Variants in ZNF841 observed in about 807,000 individuals in gnomAD.
ZNF841 encodes TCONS_00006091.
A neutral mutation model predicts 13.0 loss-of-function variants in ZNF841; 11 were observed. The observed-to-expected ratio is 0.85, with a 90% CI of 0.53 to 1.40. The LOEUF is 1.40. Ranked by LOEUF, ZNF841 falls within the 40% of genes most tolerant of loss-of-function variation. The pLI, the probability that ZNF841 is intolerant of heterozygous loss-of-function variation, is 0.00. For synonymous variants in ZNF841, 369 were observed against 381.6 expected, an observed-to-expected ratio of 0.97 and a Z score of 0.38; for missense variants, 1,068 against 1,139.5, an observed-to-expected ratio of 0.94 and a Z score of 0.90.
chr19:52,088,942 A>AT lies in ZNF841; in HGVS notation c.-84dup, dbSNP rs1369784124. 1 of 152,206 alleles carries AT rather than the reference A, an allele frequency of 6.6e-6. No homozygotes were observed. Among genetic ancestry groups the AT allele is most frequent in the Non-Finnish European group, 1.5e-5 (1 of 68,038 alleles). 9.4% of individuals were successfully genotyped at this position (152,206 alleles called of 1,614,324 possible). ...TTGACTTGCTTAATACGTACCATAG[A>AT]TTGAGGTGTGCGATTCAGTTGCCCG... On this transcript the variant is annotated 5_prime_UTR_variant, in exon 3 of 7. Coordinates refer to ENST00000594440, the MANE Select transcript of ZNF841 (RefSeq NM_001136499.2).
rs559051915 is a variant in ZNF841, at chr19:52,069,446, T to C, written c.272-1836A>G. 9.2e-5 allele frequency among the ~76,000 whole-genome samples: 14 copies of C among 152,200 alleles called. No homozygotes were observed. The South Asian group carries it at 2.7e-3, about 29-fold the overall frequency. ...TGATACAGAGATTGTACTTGGAAAA[T>C]GCATGAACTGAGATAAAAGACAACA... is the stretch of plus-strand genomic sequence containing the variant. On this transcript the variant is annotated intron_variant, in intron 6 of 6. Transcript: ENST00000594440.
chr19:52,069,663 G>A (rs563052434), intron 6 of ZNF841, among the ~76,000 whole-genome samples: 7 of 152,246 alleles, frequency 4.6e-5, no homozygotes, highest in South Asian at 4.1e-4. Context: ...TAGCAGAAAC[G>A]TGAAAAAGCC....
downstream of ZNF841, among the ~76,000 whole-genome samples, chr19:52,061,718 G>A (rs546849401): frequency 2.6e-5 from 4 of 152,106 alleles, no homozygotes; most frequent in East Asian, 5.8e-4. Flanking sequence ...ATCTAATTTT[G>A]TATTTTTAGT....
chr19:52,061,142 G>A (rs2087389676), downstream of ZNF841, among the ~76,000 whole-genome samples: 1 of 152,124 alleles, frequency 6.6e-6, no homozygotes, highest in East Asian at 1.9e-4. Flanking sequence ...GTCACCTAAT[G>A]AGCCCTCCAC....
intron 4 of ZNF841, 44 bp from the exon 5 acceptor site, chr19:52,077,128 T>G: frequency 6.4e-7 from 1 of 1,554,142 alleles, no homozygotes; most frequent in South Asian, 1.2e-5. Context: ...GGGTGAGCTC[T>G]TATCTTTACA....
At position 52,064,521 on chromosome 19, in the gene ZNF841, GCGCTGA is replaced by G. The variant is rs2087476045; in HGVS notation, c.*580_*585del. On this transcript the variant is annotated 3_prime_UTR_variant, in exon 7 of 7. Coordinates refer to ENST00000594440, the MANE Select transcript of ZNF841 (RefSeq NM_001136499.2). The stretch of plus-strand genomic sequence containing the variant: ...TTTTGCAGGCTTTATAGGAAACATG[GCGCTGA>G]CGTCTGTTCACCCTCTCGGGAAACC... 1 of 153,696 alleles carries G rather than the reference GCGCTGA, an allele frequency of 6.5e-6. No homozygotes were observed. The highest frequency in any genetic ancestry group is 2.4e-5 in the African/African-American group (1 of 41,412). 9.5% of individuals were successfully genotyped at this position (153,696 alleles called of 1,614,324 possible). A position where few individuals can be genotyped will look rare whatever the true frequency, so the allele number is the denominator to read the frequency against.
intron 4 of ZNF841, among the ~76,000 whole-genome samples, chr19:52,078,046 C>T (rs2087964032): frequency 6.6e-6 from 1 of 152,078 alleles, no homozygotes; most frequent in Non-Finnish European, 1.5e-5. Flanking sequence ...CATCTTAGCA[C>T]CTTGGGAGGC....
At position 52,088,396 on chromosome 19, in the gene ZNF841, G is replaced by C. The variant is rs143062176; in HGVS notation, c.-78+541C>G. ...TTGAAAAAACTCACAGATGAACCAT[G>C]TACCCTAATTAAGAAAAAGGTATGC... On this transcript the variant is annotated intron_variant, in intron 3 of 6. Transcript: ENST00000594440. Among the ~76,000 whole-genome samples the C allele has an allele frequency of 7.8e-3, 1,183 of 152,182 alleles. 15 individuals carry two copies. Among genetic ancestry groups the C allele is most frequent in the African/African-American group, 0.027 (1,133 of 41,516 alleles).
intron 2 of ZNF841, among the ~76,000 whole-genome samples, chr19:52,092,146 G>A (rs2088518263): frequency 6.6e-6 from 1 of 151,362 alleles, no homozygotes; most frequent in African/African-American, 2.4e-5. Context: ...CATTTTGGGG[G>A]TGGGGTGGGG....
At chr19:52,059,348 T>TAAAAAAAAAAAA in the ZNF841 span, among the ~76,000 whole-genome samples, 3 of 45,996 alleles carry the variant, frequency 6.5e-5, no homozygotes, top group African/African-American at 3.4e-4. Context: ...AGACTCTGTC[T>TAAAAAAAAAAAA]AAAAAAAAAA....
Position 52,066,136 on chromosome 19 carries a change from T to C in ZNF841, c.1746A>G (p.Ser582=), listed in dbSNP as rs2077103345. The change falls in exon 7 of 7, where the codon TCA becomes TCG. Residue 582 remains serine (S), a synonymous_variant. Coordinates refer to ENST00000594440, the MANE Select transcript of ZNF841 (RefSeq NM_001136499.2). ...GCATTCTTTGATGACGTGCTAGGCATGAATAGTAAGTGAAGACCATGCCAC... is the reference window on the plus strand; with the variant it reads ...GCATTCTTTGATGACGTGCTAGGCACGAATAGTAAGTGAAGACCATGCCAC... The part of the protein sequence containing the change: ...NKCGMVFTYY[S]CLARHQRMHT... 2.5e-6 allele frequency: 4 copies of C among 1,614,090 alleles called. No homozygotes were observed. The highest frequency in any genetic ancestry group is 3.3e-5 in the Admixed American group (2 of 60,024).
downstream of ZNF841, among the ~76,000 whole-genome samples, chr19:52,062,577 AG>A (rs1228200168): frequency 1.3e-5 from 2 of 152,212 alleles, no homozygotes; most frequent in Non-Finnish European, 2.9e-5. Context: ...ATTTATTCCC[AG>A]AGACCACAAT....
downstream of ZNF841, among the ~76,000 whole-genome samples, chr19:52,061,223 TTG>T: frequency 6.6e-6 from 1 of 152,184 alleles, no homozygotes; most frequent in Admixed American, 6.5e-5. Flanking sequence ...GATTCCACAC[TTG>T]GCTACATCCT....
chr19:52,085,512 A>G (rs1027517336), intron 3 of ZNF841, among the ~76,000 whole-genome samples: 2 of 152,198 alleles, frequency 1.3e-5, no homozygotes, highest in Non-Finnish European at 2.9e-5. Flanking sequence ...AGAAACACAG[A>G]GACACATAAT....
chr19:52,075,094 A>G (rs1560690), intron 6 of ZNF841, among the ~76,000 whole-genome samples: 47,009 of 152,034 alleles, frequency 0.31, 7,730 homozygotes, highest in South Asian at 0.59. Context: ...CACTCCATAC[A>G]ATAGTCCACA....
At chr19:52,091,732 C>A (rs1002431159) in intron 2 of ZNF841, among the ~76,000 whole-genome samples, 13 of 151,858 alleles carry the variant, frequency 8.6e-5, no homozygotes, top group Non-Finnish European at 1.8e-4. Context: ...AACCGTAAAA[C>A]CCCAGAAAAT....
chr19:52,078,698 C>CG (rs1277121707), intron 4 of ZNF841, among the ~76,000 whole-genome samples: 7 of 115,584 alleles, frequency 6.1e-5, no homozygotes, highest in Non-Finnish European at 9.7e-5. Context: ...GACTCCATCT[C>CG]GGAAAAAAAA....
intron 4 of ZNF841, among the ~76,000 whole-genome samples, chr19:52,079,431 TAA>T (rs35306980): frequency 0.016 from 1,361 of 83,168 alleles, 6 homozygotes; most frequent in African/African-American, 0.035. Flanking sequence ...AGGAAATCTG[TAA>T]AAAAAAAAAA....
At chr19:52,092,228 T>C (rs1371997697) in intron 2 of ZNF841, among the ~76,000 whole-genome samples, 1 of 152,228 alleles carries the variant, frequency 6.6e-6, no homozygotes, top group Non-Finnish European at 1.5e-5. Context: ...GATGGAAGTA[T>C]GTATCTGCAA....
Sources: gnomAD v4.1 joint callset for allele counts (sites outside exome capture counted in the v4.1 genomes callset) on GRCh38, gnomAD v4.1.1 for gene constraint, MANE v1.5 for transcripts, NCBI Gene and HGNC (gene_info 2026-07-23, HGNC 2026-07-21) for gene names.